Variants in ABCB4 observed in about 807,000 individuals in gnomAD.
ABCB4 encodes the protein phosphatidylcholine translocator ABCB4.
A neutral mutation model predicts 145.7 loss-of-function variants in ABCB4; 76 were observed. That is an observed-to-expected ratio of 0.52 (90% CI 0.43 to 0.63). The LOEUF (loss-of-function observed/expected upper bound fraction) is 0.63, where lower values mean the gene tolerates loss of function less well. Among genes scored for constraint, ABCB4 ranks in the 30% least tolerant of loss-of-function variants. The pLI is 0.00. For missense variants in ABCB4, 1,234 were observed against 1,553.1 expected, an observed-to-expected ratio of 0.79 and a Z score of 3.45; for synonymous variants, 517 against 566.8, an observed-to-expected ratio of 0.91 and a Z score of 1.25.
chr7:87,372,605 T>TA, the ABCB4 span, among the ~76,000 whole-genome samples: 4 of 152,256 alleles, frequency 2.6e-5, no homozygotes, highest in East Asian at 3.9e-4. Context: ...GTTTTTGCCT[T>TA]AAAAAAACCC....
In ABCB4 at chr7:87,411,971, T is replaced by C; in HGVS notation, c.2846A>G (p.Tyr949Cys). 6.2e-7 allele frequency: 1 copy of C among 1,613,884 alleles called. No individual in the cohort carries two copies. Among genetic ancestry groups the C allele is most frequent in the Non-Finnish European group, 8.5e-7 (1 of 1,179,832 alleles). ...ITFSISQAFM[Y>C]FSYAGCFRFG... is the part of the protein sequence containing the mutation. ...TCGAAAACAACCGGCATAGGAAAAA[T>C]ACATAAATGCTTGTGAGATACTAAA... The change falls in exon 23 of 28, where the codon TAT (tyrosine) becomes TGT (cysteine). Residue 949 changes from tyrosine to cysteine, a missense_variant. Physicochemically the swap from Tyr to Cys is radical, Grantham distance 194. This residue lies in a region of ABCB4 where 301 missense variants were observed against 389.0 expected (regional missense o/e 0.77). Coordinates refer to ENST00000649586, the MANE Select transcript of ABCB4 (RefSeq NM_000443.4).
chr7:87,470,212 A>G (rs946203739), intron 3 of ABCB4, among the ~76,000 whole-genome samples: 2 of 152,256 alleles, frequency 1.3e-5, no homozygotes, highest in Non-Finnish European at 2.9e-5. Flanking sequence ...TTATACAAAC[A>G]TTAATTCAAG....
At chr7:87,367,004 T>G in the ABCB4 span, among the ~76,000 whole-genome samples, 3 of 152,236 alleles carry the variant, frequency 2.0e-5, no homozygotes, top group Admixed American at 1.3e-4. Context: ...ACAACAGATA[T>G]GAGCAATCTT....
rs1419471591 is a variant in ABCB4 at position 87,423,920 on chromosome 7, A to G, written c.2197T>C (p.Ser733Pro). 1 of 1,614,104 alleles carries G rather than the reference A, an allele frequency of 6.2e-7. No individual in the cohort carries two copies. Among genetic ancestry groups the G allele is most frequent in the South Asian group, 1.1e-5 (1 of 91,086 alleles). The stretch of plus-strand genomic sequence containing the variant: ...TGCAAACTTACCGCTATGATCTCTG[A>G]GAATATGACTGAAAATGCCGGCTGA... ...GLQPAFSVIF[S>P]EIIAIFGPGD... The change falls in exon 17 of 28, where the codon TCA (serine) becomes CCA (proline). Residue 733 changes from serine to proline, a missense_variant. Transcript: ENST00000649586.
the ABCB4 span, among the ~76,000 whole-genome samples, chr7:87,383,421 G>A: frequency 6.6e-6 from 1 of 151,202 alleles, no homozygotes; most frequent in Non-Finnish European, 1.5e-5. Context: ...CCTTACCCAT[G>A]TTGCTGCAAA....
At chr7:87,419,911 A>G (rs761722482) in intron 19 of ABCB4, 87 bp downstream of exon 19, 1 of 1,388,296 alleles carries the variant, frequency 7.2e-7, no homozygotes, top group African/African-American at 1.4e-5. Context: ...GAAAACATGC[A>G]TATCGACATA....
intron 16 of ABCB4, 106 bp from the exon 17 acceptor site, chr7:87,424,158 G>T: frequency 7.2e-7 from 1 of 1,390,270 alleles, no homozygotes; most frequent in Non-Finnish European, 1.0e-6. Flanking sequence ...TCGCAAACTA[G>T]GTGCAGAGAA....
intron 23 of ABCB4, among the ~76,000 whole-genome samples, chr7:87,409,811 T>G (rs1808480112): frequency 6.6e-6 from 1 of 152,224 alleles, no homozygotes; most frequent in Admixed American, 6.5e-5. Flanking sequence ...AGTAAGCTTT[T>G]TCTGATAAAG....
At chr7:87,398,740 C>CAAG, downstream of ABCB4, 6 of 1,154,022 alleles carry the variant, frequency 5.2e-6, no homozygotes, top group South Asian at 1.5e-5. Context: ...TGTTGACTTG[C>CAAG]TAACATTCCT....
intron 4 of ABCB4, among the ~76,000 whole-genome samples, chr7:87,455,801 G>A (rs965479369): frequency 6.6e-6 from 1 of 151,682 alleles, no homozygotes; most frequent in Non-Finnish European, 1.5e-5. Context: ...TAGCCCAGGG[G>A]TCGTGTTTTC....
chr7:87,391,841 T>C, the ABCB4 span: 3 of 944,974 alleles, frequency 3.2e-6, no homozygotes, highest in East Asian at 8.6e-5. Flanking sequence ...ACATCTTTTC[T>C]GAGGTTTTTA....
chr7:87,460,624 A>T (rs1049886771), intron 4 of ABCB4, among the ~76,000 whole-genome samples: 1 of 75,548 alleles, frequency 1.3e-5, no homozygotes, highest in Non-Finnish European at 2.8e-5. Flanking sequence ...ACAATTTTGT[A>T]TTTATTTATT....
intron 3 of ABCB4, among the ~76,000 whole-genome samples, chr7:87,464,506 C>T (rs1442104245): frequency 6.6e-6 from 1 of 152,144 alleles, no homozygotes; most frequent in East Asian, 1.9e-4. Context: ...GTTAAAAGCA[C>T]AGGGTCAGGT....
At chr7:87,456,901 AT>A (rs1308957944) in intron 4 of ABCB4, among the ~76,000 whole-genome samples, 1 of 151,996 alleles carries the variant, frequency 6.6e-6, no homozygotes, top group African/African-American at 2.4e-5. Context: ...CTGAAAAGTC[AT>A]GGCCTGCTAG....
In ABCB4 at chr7:87,459,637, C is replaced by T. The variant is rs188886153; in HGVS notation, c.286+3121G>A. 2.9e-3 allele frequency among the ~76,000 whole-genome samples: 444 copies of T among 151,910 alleles called. 5 individuals carry two copies. The highest frequency in any genetic ancestry group is 0.01 in the Middle Eastern group (3 of 294). On this transcript the variant is annotated intron_variant, in intron 4 of 27. Coordinates refer to ENST00000649586, the MANE Select transcript of ABCB4 (RefSeq NM_000443.4). Reference sequence around the variant, plus strand: ...TTCTTGGTAAAGGTGTATACGTCAACAGTTACAAGCGAGAATACAGGGAGA... The same window carrying T: ...TTCTTGGTAAAGGTGTATACGTCAATAGTTACAAGCGAGAATACAGGGAGA...
the ABCB4 span, among the ~76,000 whole-genome samples, chr7:87,381,131 CCTT>C: frequency 6.6e-6 from 1 of 152,180 alleles, no homozygotes; most frequent in East Asian, 1.9e-4. Flanking sequence ...ATACTACTTC[CCTT>C]CTTTCCCTCC....
At chr7:87,463,521 C>T (rs144904065) in intron 3 of ABCB4, among the ~76,000 whole-genome samples, 223 of 152,242 alleles carry the variant, frequency 1.5e-3, no homozygotes, top group Non-Finnish European at 2.3e-3. Context: ...GTGTCACCTG[C>T]CAAGTATGCA....
At chr7:87,379,092 T>TA in the ABCB4 span, among the ~76,000 whole-genome samples, 1 of 152,214 alleles carries the variant, frequency 6.6e-6, no homozygotes, top group Admixed American at 6.5e-5. Flanking sequence ...TTTATGTCCT[T>TA]ACCATTCCTT....
chr7:87,415,554 C>A (rs1808912203), intron 21 of ABCB4, among the ~76,000 whole-genome samples: 2 of 152,072 alleles, frequency 1.3e-5, no homozygotes, highest in Non-Finnish European at 2.9e-5. Context: ...AAAATTTAAA[C>A]TGGCCAGTCT....
Sources: allele counts gnomAD v4.1 joint callset (sites outside exome capture counted in the v4.1 genomes callset), GRCh38; gene constraint gnomAD v4.1.1; regional missense constraint gnomAD v4.1.1; transcripts MANE v1.5; gene names NCBI Gene and HGNC (gene_info 2026-07-23, HGNC 2026-07-21).